RBPJ: variants seen among roughly 807,000 people sequenced by gnomAD.
RBPJ encodes recombining binding protein suppressor of hairless.
A neutral mutation model predicts 67.8 loss-of-function variants in RBPJ; 9 were observed. The ratio of observed to expected loss-of-function variants is 0.13; its 90% CI spans 0.08 to 0.23. RBPJ has a LOEUF of 0.23. RBPJ is among the 10% of genes least tolerant of loss of function. The pLI is 1.00. For missense variants in RBPJ, 305 were observed against 595.6 expected, an observed-to-expected ratio of 0.51 and a Z score of 5.08; for synonymous variants, 198 against 203.3, an observed-to-expected ratio of 0.97 and a Z score of 0.22.
intron 3 of RBPJ, among the ~76,000 whole-genome samples, chr4:26,411,277 T>G (rs1733982599): frequency 6.6e-6 from 1 of 151,970 alleles, no homozygotes; most frequent in Non-Finnish European, 1.5e-5. Flanking sequence ...AATAAATAAA[T>G]AAAGATGTAT....
At chr4:26,142,412 C>G in the RBPJ span, among the ~76,000 whole-genome samples, 5 of 152,194 alleles carry the variant, frequency 3.3e-5, no homozygotes, top group African/African-American at 1.2e-4. Flanking sequence ...CAGTTGAGCT[C>G]AATCCACATT....
At chr4:26,200,326 G>A (rs770580957) in intron 1 of RBPJ, among the ~76,000 whole-genome samples, 20 of 152,178 alleles carry the variant, frequency 1.3e-4, no homozygotes, top group Non-Finnish European at 2.4e-4. Flanking sequence ...ATAGAAAGAT[G>A]ACTAACTTCA....
chr4:26,158,933 C>T (rs1476916304), upstream of RBPJ, among the ~76,000 whole-genome samples: 1 of 139,118 alleles, frequency 7.2e-6, no homozygotes, highest in Non-Finnish European at 1.5e-5. Flanking sequence ...AAGACTTTCT[C>T]CCTCTCTCTC....
At chr4:26,312,569 G>A (rs1217955307) in intron 1 of RBPJ, among the ~76,000 whole-genome samples, 3 of 152,150 alleles carry the variant, frequency 2.0e-5, no homozygotes, top group African/African-American at 7.2e-5. Flanking sequence ...TGCTTGTCAT[G>A]CTTCCTCCTA....
chr4:26,218,584 A>T (rs1013555040), intron 1 of RBPJ, among the ~76,000 whole-genome samples: 3 of 152,084 alleles, frequency 2.0e-5, no homozygotes, highest in African/African-American at 7.2e-5. Context: ...TGTTGTTATT[A>T]CTGTTGTGGC....
chr4:26,109,458 CTCTATATATATATATA>C, the RBPJ span, among the ~76,000 whole-genome samples: 4 of 14,386 alleles, frequency 2.8e-4, no homozygotes, highest in South Asian at 2.0e-3. Context: ...CTCTCTCTCT[CTCTATATATATATATA>C]TATATATATA....
chr4:26,311,396 A>G (rs1299558799), intron 1 of RBPJ, among the ~76,000 whole-genome samples: 4 of 152,060 alleles, frequency 2.6e-5, no homozygotes, highest in Non-Finnish European at 5.9e-5. Context: ...AAAATTAGCC[A>G]GGCATGGTGG....
chr4:26,413,626 A>G (rs1734260528), intron 3 of RBPJ, among the ~76,000 whole-genome samples: 1 of 152,212 alleles, frequency 6.6e-6, no homozygotes, highest in South Asian at 2.1e-4. Flanking sequence ...CCTCTAAAGT[A>G]GTCTGGTTAG....
chr4:26,430,398 G>A lies in RBPJ; in HGVS notation c.1045-21G>A, dbSNP rs1177629152. 6 of 1,579,438 alleles carry A rather than the reference G, an allele frequency of 3.8e-6. No homozygotes were observed. Among genetic ancestry groups the A allele is most frequent in the Non-Finnish European group, 5.2e-6 (6 of 1,149,282 alleles). On this transcript the variant is annotated intron_variant, in intron 9 of 10. Coordinates refer to ENST00000355476, the MANE Select transcript of RBPJ (RefSeq NM_015874.6). The surrounding 1 kb of genome is among the most constrained non-coding windows in gnomAD (Gnocchi z 4.1). ...AAAAATGAAAAGTTTTCTCAGTGTT[G>A]TGATTTTCTGTGAATTGCAGTTGAA...
intron 3 of RBPJ, among the ~76,000 whole-genome samples, chr4:26,406,601 C>A (rs1198769968): frequency 2.6e-5 from 4 of 152,306 alleles, no homozygotes; most frequent in African/African-American, 9.6e-5. Context: ...ACATATTTGT[C>A]CCTTACGCAT....
At chr4:26,321,113 G>C in intron 1 of RBPJ, 65 bp downstream of exon 1, 1 of 1,373,478 alleles carries the variant, frequency 7.3e-7, no homozygotes, top group Non-Finnish European at 1.0e-6. Flanking sequence ...AGCTCACGGC[G>C]GGCAGCGGGT....
At chr4:26,317,970 T>C (rs1004560454), upstream of RBPJ, among the ~76,000 whole-genome samples, 1 of 152,214 alleles carries the variant, frequency 6.6e-6, no homozygotes, top group Non-Finnish European at 1.5e-5. Context: ...AAATACCTTC[T>C]TGGGATGACA....
intron 1 of RBPJ, among the ~76,000 whole-genome samples, chr4:26,300,984 T>C (rs538591241): frequency 6.6e-6 from 1 of 152,356 alleles, no homozygotes; most frequent in African/African-American, 2.4e-5. Flanking sequence ...GACCTGTGGT[T>C]CTAGACAGAA....
At chr4:26,373,289 T>C (rs1275385170) in intron 1 of RBPJ, among the ~76,000 whole-genome samples, 1 of 152,234 alleles carries the variant, frequency 6.6e-6, no homozygotes, top group African/African-American at 2.4e-5. Context: ...TGTCCTATTT[T>C]ATATGTGTTT....
chr4:26,273,554 A>C (rs1472925678), intron 1 of RBPJ, among the ~76,000 whole-genome samples: 3 of 152,236 alleles, frequency 2.0e-5, no homozygotes, highest in African/African-American at 7.2e-5. Context: ...TCTATGTCCG[A>C]GGCCATTCTG....
chr4:26,293,807 G>T (rs1721757620), intron 1 of RBPJ, among the ~76,000 whole-genome samples: 1 of 152,168 alleles, frequency 6.6e-6, no homozygotes, highest in Non-Finnish European at 1.5e-5. Flanking sequence ...ACCAAGGCTG[G>T]AGTGCAGTGG....
At chr4:26,327,029 C>G (rs1329734795) in intron 1 of RBPJ, among the ~76,000 whole-genome samples, 1 of 152,164 alleles carries the variant, frequency 6.6e-6, no homozygotes, top group Non-Finnish European at 1.5e-5. Context: ...GCTCTCTTCT[C>G]TGCTTGGGCA....
At chr4:26,414,238 C>T (rs1024770559) in intron 3 of RBPJ, among the ~76,000 whole-genome samples, 1 of 151,960 alleles carries the variant, frequency 6.6e-6, no homozygotes, top group Middle Eastern at 3.2e-3. Flanking sequence ...TGCACTATGA[C>T]AGCTCACCAC....
At chr4:26,136,173 C>A in the RBPJ span, among the ~76,000 whole-genome samples, 1 of 152,170 alleles carries the variant, frequency 6.6e-6, no homozygotes, top group Non-Finnish European at 1.5e-5. Flanking sequence ...CCTGGCCCAC[C>A]CTTGACACAT....
Sources: allele counts gnomAD v4.1 joint callset (sites outside exome capture counted in the v4.1 genomes callset), GRCh38; gene constraint gnomAD v4.1.1; non-coding constraint Gnocchi (gnomAD v3.1); transcripts MANE v1.5; gene names NCBI Gene and HGNC (gene_info 2026-07-23, HGNC 2026-07-21).